Variants in TMED8 observed in about 807,000 individuals in gnomAD.
TMED8 encodes the protein transmembrane p24 trafficking protein family member 8.
In TMED8, 15 loss-of-function variants were observed where a neutral mutation model predicts 32.7. The observed-to-expected ratio is 0.46, with a 90% CI of 0.31 to 0.71. The LOEUF (loss-of-function observed/expected upper bound fraction) is 0.71. Among genes scored for constraint, TMED8 ranks in the 30% least tolerant of loss-of-function variants. The probability of loss-of-function intolerance (pLI) is 0.06; values close to 1 mark genes in which losing one functional copy is unlikely to be tolerated. For missense variants in TMED8, 390 were observed against 423.9 expected (o/e 0.92, Z 0.70); for synonymous variants, 147 against 161.4 (o/e 0.91, Z 0.68).
At position 77,339,922 on chromosome 14, in the gene TMED8, G is replaced by A. The variant is rs1386962583; in HGVS notation, c.*1849C>T. 6.6e-6 allele frequency: 1 copy of A among 152,210 alleles called. No homozygotes were observed. The highest frequency in any genetic ancestry group is 2.4e-5 in the African/African-American group (1 of 41,438). The allele number at this position is 152,210 out of a possible 1,614,324, so 9.4% of individuals were successfully genotyped here. ...GTAGATGCTACTAGGGACCCACTGG[G>A]AAGAGTCCCGTTCCTTGAGTTATGC... On this transcript the variant is annotated 3_prime_UTR_variant, in exon 6 of 6. Coordinates refer to ENST00000216468, the MANE Select transcript of TMED8 (RefSeq NM_213601.3).
intron 3 of TMED8, among the ~76,000 whole-genome samples, chr14:77,346,077 A>G (rs1893024191): frequency 6.6e-6 from 1 of 152,186 alleles, no homozygotes; most frequent in Non-Finnish European, 1.5e-5. Context: ...AGGCTCCTCA[A>G]TGAAGAGGAT....
chr14:77,348,315 C>T (rs767900829), intron 2 of TMED8, among the ~76,000 whole-genome samples: 3 of 152,020 alleles, frequency 2.0e-5, no homozygotes, highest in African/African-American at 4.8e-5. Context: ...CTCCGCCTCC[C>T]GGGTTCACTC....
intron 1 of TMED8, among the ~76,000 whole-genome samples, chr14:77,365,218 C>G (rs980074242): frequency 2.0e-5 from 3 of 152,162 alleles, no homozygotes; most frequent in African/African-American, 7.2e-5. Context: ...CTAAATTCAA[C>G]AGAACTTTAC....
chr14:77,350,337 G>C (rs1448224415), intron 2 of TMED8, among the ~76,000 whole-genome samples: 3 of 152,164 alleles, frequency 2.0e-5, no homozygotes, highest in Non-Finnish European at 4.4e-5. Flanking sequence ...CTCCCTGAGA[G>C]CAGTGATGGA....
At chr14:77,344,151 A>G (rs1892975543) in intron 3 of TMED8, among the ~76,000 whole-genome samples, 2 of 152,212 alleles carry the variant, frequency 1.3e-5, no homozygotes, top group Non-Finnish European at 2.9e-5. Flanking sequence ...ATTCTGGGCC[A>G]TGCCTTGGTC....
chr14:77,365,088 T>C (rs914631917), intron 1 of TMED8, among the ~76,000 whole-genome samples: 8 of 152,230 alleles, frequency 5.3e-5, no homozygotes, highest in African/African-American at 1.9e-4. Flanking sequence ...TATTTATCCA[T>C]TTAAAGCAGC....
At chr14:77,359,578 A>G in intron 1 of TMED8, 1 of 416,516 alleles carries the variant, frequency 2.4e-6, no homozygotes, top group Non-Finnish European at 4.8e-6. Flanking sequence ...GTAAAACTGA[A>G]GAGTGGCTTT....
rs761856150 is a variant in TMED8, at chr14:77,346,433, C to T, written c.243G>A (p.Leu81=). 3 of 1,614,168 alleles carry T rather than the reference C, an allele frequency of 1.9e-6. No homozygotes were observed. In the South Asian group the frequency reaches 3.3e-5, roughly 18 times the overall value. The change falls in exon 3 of 6, where the codon CTG becomes CTA. Residue 81 remains leucine, a synonymous_variant. Coordinates refer to ENST00000216468, the MANE Select transcript of TMED8 (RefSeq NM_213601.3). ...SPVSKDATED[L]RKATGPLEAQ... ...CCTCCAAAGGACCAGTTGCTTTCCG[C>T]AGATCTTCCGTGGCATCCTTACTCA...
chr14:77,348,286 C>T (rs1044891506), intron 2 of TMED8, among the ~76,000 whole-genome samples: 2 of 151,394 alleles, frequency 1.3e-5, no homozygotes, highest in Non-Finnish European at 2.9e-5. Context: ...TGCAGTGGCG[C>T]GATCTCAGCT....
At chr14:77,344,405 A>G (rs1436096529) in intron 3 of TMED8, among the ~76,000 whole-genome samples, 1 of 152,240 alleles carries the variant, frequency 6.6e-6, no homozygotes, top group Admixed American at 6.5e-5. Flanking sequence ...AGTCACTAAC[A>G]GTGTTCTATC....
At position 77,335,333 on chromosome 14, in the gene TMED8, C is replaced by T. The variant is rs1352567743; in HGVS notation, c.*6438G>A. The T allele has an allele frequency of 6.6e-6, 1 of 152,140 alleles. No homozygotes were observed. The highest frequency in any genetic ancestry group is 6.5e-5 in the Admixed American group (1 of 15,272). 9.4% of individuals were successfully genotyped at this position (152,140 alleles called of 1,614,324 possible). A position where few individuals can be genotyped will look rare whatever the true frequency, so the allele number is the denominator to read the frequency against. On this transcript the variant is annotated 3_prime_UTR_variant, in exon 6 of 6. Transcript: ENST00000216468. ...CATGATAGGGGACATGTAAAACAAG[C>T]TGACCATAATAAATGATTAGTTGGG...
At chr14:77,370,488 A>C (rs1294639414) in intron 1 of TMED8, among the ~76,000 whole-genome samples, 2 of 152,196 alleles carry the variant, frequency 1.3e-5, no homozygotes, top group Non-Finnish European at 2.9e-5. Context: ...AAAGGCTCTT[A>C]TTTAGGATAT....
intron 2 of TMED8, among the ~76,000 whole-genome samples, chr14:77,349,841 A>G (rs1443269551): frequency 6.6e-6 from 1 of 152,184 alleles, no homozygotes; most frequent in Non-Finnish European, 1.5e-5. Context: ...AAAATTGATG[A>G]TATCTTAAAA....
intron 1 of TMED8, among the ~76,000 whole-genome samples, chr14:77,367,524 C>T (rs1482233941): frequency 1.3e-5 from 2 of 152,072 alleles, no homozygotes; most frequent in Non-Finnish European, 2.9e-5. Flanking sequence ...CATTCCTAAA[C>T]ACTGTTGCTT....
intron 1 of TMED8, among the ~76,000 whole-genome samples, chr14:77,375,962 G>A (rs1054195751): frequency 2.5e-4 from 38 of 152,120 alleles, no homozygotes; most frequent in South Asian, 2.1e-4. Context: ...CTCCAATCCA[G>A]GCACCCTGGC....
rs547310877 is a variant in TMED8 at position 77,340,845 on chromosome 14, G to A, written c.*926C>T. ...TTCTAAACAGCACTCCTACTCTAAA[G>A]ACAAAAAAAAGCGGTGGGGACTCTG... On this transcript the variant is annotated 3_prime_UTR_variant, in exon 6 of 6. Transcript: ENST00000216468. 7.4e-5 allele frequency: 11 copies of A among 149,404 alleles called. No individual in the cohort carries two copies. The South Asian group carries it at 1.3e-3, about 17-fold the overall frequency. 9.3% of individuals were successfully genotyped at this position (149,404 alleles called of 1,614,324 possible).
Position 77,338,121 on chromosome 14 carries a change from C to G in TMED8, c.*3650G>C, listed in dbSNP as rs1892808707. 1 of 152,136 alleles carries G rather than the reference C, an allele frequency of 6.6e-6. No homozygotes were observed. The allele number at this position is 152,136 out of a possible 1,614,324, so 9.4% of individuals were successfully genotyped here. A position where few individuals can be genotyped will look rare whatever the true frequency, so the allele number is the denominator to read the frequency against. On this transcript the variant is annotated 3_prime_UTR_variant, in exon 6 of 6. Transcript: ENST00000216468. The stretch of plus-strand genomic sequence containing the variant: ...CAACTGACCAGCATTAACATTAAAA[C>G]AGAGATCTTAAGACTAACCAAACAG...
chr14:77,374,204 G>C (rs974884729), intron 1 of TMED8, among the ~76,000 whole-genome samples: 1 of 152,162 alleles, frequency 6.6e-6, no homozygotes, highest in Non-Finnish European at 1.5e-5. Flanking sequence ...CTTACTCATT[G>C]TATCATTTTC....
At chr14:77,372,410 C>A (rs1893695102) in intron 1 of TMED8, among the ~76,000 whole-genome samples, 2 of 152,162 alleles carry the variant, frequency 1.3e-5, no homozygotes, top group South Asian at 2.1e-4. Context: ...TTAGAACAGG[C>A]CTCAGAGGAT....
Sources: allele counts gnomAD v4.1 joint callset (sites outside exome capture counted in the v4.1 genomes callset), GRCh38; gene constraint gnomAD v4.1.1; transcripts MANE v1.5; gene names NCBI Gene and HGNC (gene_info 2026-07-23, HGNC 2026-07-21).